Variants in TMEM132E observed in about 807,000 individuals in gnomAD.
The protein encoded by TMEM132E is transmembrane protein 132E.
Under a neutral mutation model 78.5 loss-of-function variants are expected in TMEM132E, and 49 were observed. The observed-to-expected ratio is 0.62, with a 90% confidence interval of 0.50 to 0.79. The LOEUF (loss-of-function observed/expected upper bound fraction) is 0.79. Ranked by LOEUF, TMEM132E falls within the 30% of genes least tolerant of loss-of-function variation. TMEM132E has a pLI of 0.00. For missense variants in TMEM132E, 1,403 were observed against 1,470.9 expected (o/e 0.95, Z 0.75); for synonymous variants, 715 against 670.6 (o/e 1.07, Z -1.02).
intron 1 of TMEM132E, among the ~76,000 whole-genome samples, chr17:34,623,523 A>G (rs1251076271): frequency 6.6e-6 from 1 of 151,976 alleles, no homozygotes; most frequent in Non-Finnish European, 1.5e-5. Flanking sequence ...CTCAGCACTC[A>G]AAGGCCCTGT....
chr17:34,622,736 T>A (rs1029218573), intron 1 of TMEM132E, among the ~76,000 whole-genome samples: 4 of 152,218 alleles, frequency 2.6e-5, no homozygotes, highest in African/African-American at 9.6e-5. Flanking sequence ...AGGGCCTGCC[T>A]GCTATGTGCC....
intron 1 of TMEM132E, among the ~76,000 whole-genome samples, chr17:34,591,314 T>C (rs1009128181): frequency 6.6e-6 from 1 of 151,542 alleles, no homozygotes. Context: ...ACTATTTTTT[T>C]TTTTTTGAAA....
At position 34,635,052 on chromosome 17, in the gene TMEM132E, C is replaced by T. The variant is rs1206725839; in HGVS notation, c.1942C>T (p.Leu648=). 1.7e-5 allele frequency: 27 copies of T among 1,613,828 alleles called. No homozygotes were observed. Among genetic ancestry groups the T allele is most frequent in the Non-Finnish European group, 2.2e-5 (26 of 1,179,954 alleles). ...GGCACACATGGTGGACAGCAGCACG[C>T]TGGCAGGACTGGAGCCAGGCACCAC... The part of the protein sequence containing the change: ...RVAHMVDSST[L]AGLEPGTTPF... Residue 648 remains leucine, a synonymous_variant, in exon 7 of 9, where the codon CTG becomes TTG. Coordinates refer to ENST00000631683, the MANE Select transcript of TMEM132E (RefSeq NM_001304438.2).
intron 6 of TMEM132E, among the ~76,000 whole-genome samples, chr17:34,633,206 T>A (rs955407355): frequency 1.3e-5 from 2 of 152,132 alleles, no homozygotes; most frequent in African/African-American, 4.8e-5. Flanking sequence ...GTGCAGGGAA[T>A]CAAGTGGCAC....
At chr17:34,590,577 C>T (rs1002922529) in intron 1 of TMEM132E, among the ~76,000 whole-genome samples, 1 of 151,958 alleles carries the variant, frequency 6.6e-6, no homozygotes, top group African/African-American at 2.4e-5. Flanking sequence ...CCAGCATCTA[C>T]TGTTTGTCTG....
chr17:34,601,427 A>C (rs1256890524), intron 1 of TMEM132E, among the ~76,000 whole-genome samples: 1 of 152,186 alleles, frequency 6.6e-6, no homozygotes, highest in African/African-American at 2.4e-5. Context: ...TACTGAAGCC[A>C]GGCTGTCAGC....
rs1597672172 is a variant in TMEM132E at position 34,581,011 on chromosome 17, C to A, written c.-66C>A. On this transcript the variant is annotated 5_prime_UTR_variant, in exon 1 of 9. Coordinates refer to ENST00000631683, the MANE Select transcript of TMEM132E (RefSeq NM_001304438.2). ...CAGCCCTGAGTTGGATGTGACCAAGCCCAGCCTGGGGCCAAGTCGTCGTCG... is the reference window on the plus strand; with the variant it reads ...CAGCCCTGAGTTGGATGTGACCAAGACCAGCCTGGGGCCAAGTCGTCGTCG... The A allele has an allele frequency of 7.1e-7, 1 of 1,416,620 alleles. No individual in the cohort carries two copies. The highest frequency in any genetic ancestry group is 9.5e-7 in the Non-Finnish European group (1 of 1,055,260). The allele number at this position is 1,416,620 out of a possible 1,614,324, so 87.8% of individuals were successfully genotyped here. A position where few individuals can be genotyped will look rare whatever the true frequency, so the allele number is the denominator to read the frequency against.
chr17:34,634,683 C>A, intron 6 of TMEM132E, 116 bp from the exon 7 acceptor site: 1 of 1,318,960 alleles, frequency 7.6e-7, no homozygotes, highest in Non-Finnish European at 1.0e-6. Context: ...AGGAAGCTTG[C>A]TTTTGCAGAG....
At chr17:34,604,819 A>G (rs188055636) in intron 1 of TMEM132E, among the ~76,000 whole-genome samples, 1 of 152,308 alleles carries the variant, frequency 6.6e-6, no homozygotes, top group Admixed American at 6.5e-5. Flanking sequence ...ATTTCTGAGC[A>G]TTTCTGTGCC....
chr17:34,592,179 A>G (rs1190646586), intron 1 of TMEM132E, among the ~76,000 whole-genome samples: 1 of 152,204 alleles, frequency 6.6e-6, no homozygotes, highest in East Asian at 1.9e-4. Flanking sequence ...TAAAAACAGC[A>G]GTGGCCAGCT....
chr17:34,600,266 A>G (rs1459802315), intron 1 of TMEM132E, among the ~76,000 whole-genome samples: 2 of 152,210 alleles, frequency 1.3e-5, no homozygotes, highest in African/African-American at 2.4e-5. Flanking sequence ...TGGTGGGCTA[A>G]CCTGGAAACG....
rs191132649 is a variant in TMEM132E at position 34,592,048 on chromosome 17, C to G, written c.67+10905C>G. Among the ~76,000 whole-genome samples the G allele has an allele frequency of 4.4e-4, 67 of 152,374 alleles. 1 individual carries two copies. The highest frequency in any genetic ancestry group is 6.8e-3 in the Middle Eastern group (2 of 294). On this transcript the variant is annotated intron_variant, in intron 1 of 8. Transcript: ENST00000631683. ...AGAGCCAGGCCTTACTGCTGGGAAGCATGTTTAAGACAGTGCCAAAGACTT... is the reference window on the plus strand; with the variant it reads ...AGAGCCAGGCCTTACTGCTGGGAAGGATGTTTAAGACAGTGCCAAAGACTT...
chr17:34,604,129 T>A (rs972346279), intron 1 of TMEM132E, among the ~76,000 whole-genome samples: 1 of 152,188 alleles, frequency 6.6e-6, no homozygotes, highest in Non-Finnish European at 1.5e-5. Flanking sequence ...ACTTGTACTG[T>A]CTTCACTTCA....
Position 34,634,985 on chromosome 17 carries a change from C to T in TMEM132E, c.1875C>T (p.Thr625=), listed in dbSNP as rs73988752. 0.041 allele frequency: 65,919 copies of T among 1,613,944 alleles called. 2,411 individuals carry two copies. The highest frequency in any genetic ancestry group is 0.17 in the African/African-American group (13,117 of 74,986). The part of the protein sequence containing the change: ...MLGPDWLVEV[T]DLVSDFMRVG... ...GCCCGGACTGGCTGGTGGAGGTCACCGACCTAGTCAGTGACTTCATGCGGG... is the reference window on the plus strand; with the variant it reads ...GCCCGGACTGGCTGGTGGAGGTCACTGACCTAGTCAGTGACTTCATGCGGG... The change falls in exon 7 of 9, where the codon ACC becomes ACT. Residue 625 remains threonine, a synonymous_variant. Transcript: ENST00000631683.
intron 1 of TMEM132E, among the ~76,000 whole-genome samples, chr17:34,613,692 C>T (rs946467101): frequency 3.9e-5 from 6 of 152,074 alleles, no homozygotes; most frequent in Non-Finnish European, 8.8e-5. Flanking sequence ...CTAGCTTCTG[C>T]ACCCTTGCCT....
At chr17:34,589,423 C>G (rs975305590) in intron 1 of TMEM132E, among the ~76,000 whole-genome samples, 1 of 152,176 alleles carries the variant, frequency 6.6e-6, no homozygotes, top group Non-Finnish European at 1.5e-5. Context: ...TCTCATCTGC[C>G]CAGGGCATAT....
At chr17:34,628,542 C>T in intron 2 of TMEM132E, 21 bp from the exon 3 acceptor site, 6 of 1,613,332 alleles carry the variant, frequency 3.7e-6, no homozygotes, top group Non-Finnish European at 5.1e-6. Context: ...TCTCCCTCTT[C>T]TTCCTCCCAC....
chr17:34,597,504 G>C (rs1299175894), intron 1 of TMEM132E, among the ~76,000 whole-genome samples: 1 of 152,144 alleles, frequency 6.6e-6, no homozygotes, highest in Non-Finnish European at 1.5e-5. Context: ...AACACCGACT[G>C]TGTGCCAGAC....
intron 1 of TMEM132E, among the ~76,000 whole-genome samples, chr17:34,590,769 A>G (rs539142269): frequency 2.4e-4 from 37 of 152,312 alleles, no homozygotes; most frequent in African/African-American, 8.7e-4. Context: ...CCAATGTTCC[A>G]TGAAGTGCTG....
Sources: allele counts gnomAD v4.1 joint callset (sites outside exome capture counted in the v4.1 genomes callset), GRCh38; gene constraint gnomAD v4.1.1; transcripts MANE v1.5; gene names NCBI Gene and HGNC (gene_info 2026-07-23, HGNC 2026-07-21).